COL10A1: variants seen among roughly 807,000 people sequenced by gnomAD.
COL10A1 encodes collagen type X alpha 1 chain, also known as collagen alpha-1(X) chain.
Under a neutral mutation model 18.2 loss-of-function variants are expected in COL10A1, and 10 were observed. The ratio of observed to expected loss-of-function variants is 0.55; its 90% CI spans 0.34 to 0.93. The LOEUF (loss-of-function observed/expected upper bound fraction) is 0.93, where lower values mean the gene tolerates loss of function less well. Among genes scored for constraint, COL10A1 ranks in the 40% least tolerant of loss-of-function variants. The pLI, the probability that COL10A1 is intolerant of heterozygous loss-of-function variation, is 0.02. For synonymous variants in COL10A1, 330 were observed against 316.6 expected, an observed-to-expected ratio of 1.04 and a Z score of -0.45; for missense variants, 897 against 853.5, an observed-to-expected ratio of 1.05 and a Z score of -0.64.
At chr6:116,182,222 A>AGAGAGTGTGTGTGTGTGT in the COL10A1 span, among the ~76,000 whole-genome samples, 1 of 124,606 alleles carries the variant, frequency 8.0e-6, no homozygotes, top group Non-Finnish European at 1.7e-5. Flanking sequence ...TTCCATGGAG[A>AGAGAGTGTGTGTGTGTGT]GTGTGTGTGT....
chr6:116,165,976 C>T, the COL10A1 span, among the ~76,000 whole-genome samples: 1 of 152,174 alleles, frequency 6.6e-6, no homozygotes, highest in African/African-American at 2.4e-5. Flanking sequence ...GATACCTGCA[C>T]AAACTAGCCA....
the COL10A1 span, among the ~76,000 whole-genome samples, chr6:116,186,751 A>G: frequency 2.0e-5 from 3 of 151,934 alleles, no homozygotes; most frequent in South Asian, 2.1e-4. Context: ...TATTTATGCC[A>G]TGTATTTCAC....
the COL10A1 span, among the ~76,000 whole-genome samples, chr6:116,175,872 CT>C: frequency 6.6e-6 from 1 of 152,118 alleles, no homozygotes; most frequent in Non-Finnish European, 1.5e-5. Flanking sequence ...AAGTCCCTGT[CT>C]GATAATTCCA....
intron 1 of COL10A1, among the ~76,000 whole-genome samples, chr6:116,140,360 A>G (rs1383973897): frequency 6.6e-6 from 1 of 152,056 alleles, no homozygotes; most frequent in Non-Finnish European, 1.5e-5. Context: ...TGGGCACATC[A>G]CACCTCTCTT....
At chr6:116,145,391 C>A in intron 1 of COL10A1, 1 of 328,920 alleles carries the variant, frequency 3.0e-6, no homozygotes, top group Non-Finnish European at 6.8e-6. Context: ...AGAAGAAATG[C>A]TGATTTTCAA....
the COL10A1 span, among the ~76,000 whole-genome samples, chr6:116,171,182 ACT>A: frequency 6.6e-6 from 1 of 152,090 alleles, no homozygotes; most frequent in East Asian, 1.9e-4. Context: ...TAAATGACCC[ACT>A]TATATTATTG....
the COL10A1 span, among the ~76,000 whole-genome samples, chr6:116,179,726 T>C: frequency 0.031 from 4,786 of 152,218 alleles, 263 homozygotes; most frequent in African/African-American, 0.11. Context: ...TCAATAATTA[T>C]AAGATTCTGG....
At chr6:116,182,043 C>G in the COL10A1 span, among the ~76,000 whole-genome samples, 1 of 151,958 alleles carries the variant, frequency 6.6e-6, no homozygotes, top group Non-Finnish European at 1.5e-5. Flanking sequence ...CCTCCGCGTC[C>G]CCAAAGTCCA....
chr6:116,179,311 G>A, the COL10A1 span, among the ~76,000 whole-genome samples: 2 of 152,016 alleles, frequency 1.3e-5, no homozygotes, highest in Non-Finnish European at 2.9e-5. Context: ...ATGGCAGGAG[G>A]ATTTACATTC....
intron 2 of COL10A1, among the ~76,000 whole-genome samples, chr6:116,122,803 T>C (rs1779172875): frequency 1.3e-5 from 2 of 152,186 alleles, no homozygotes; most frequent in South Asian, 4.1e-4. Flanking sequence ...AGGAAAATAA[T>C]TGTTTCAGAT....
chr6:116,124,981 G>A (rs1779249898), intron 2 of COL10A1, among the ~76,000 whole-genome samples: 1 of 152,014 alleles, frequency 6.6e-6, no homozygotes, highest in Non-Finnish European at 1.5e-5. Context: ...TATACAATTG[G>A]CAGTTATTTT....
chr6:116,166,137 C>G, the COL10A1 span, among the ~76,000 whole-genome samples: 1 of 152,038 alleles, frequency 6.6e-6, no homozygotes, highest in Non-Finnish European at 1.5e-5. Flanking sequence ...ACCCTTCAGG[C>G]GGGATTCAGA....
At chr6:116,168,223 G>A in the COL10A1 span, among the ~76,000 whole-genome samples, 1 of 150,868 alleles carries the variant, frequency 6.6e-6, no homozygotes, top group Non-Finnish European at 1.5e-5. Context: ...CTCTTTCTGG[G>A]ATTTCAGTTA....
At position 116,139,256 on chromosome 6, in the gene COL10A1, A is replaced by G. The variant is rs191853148; in HGVS notation, c.-15-13749T>C. On this transcript the variant is annotated intron_variant, in intron 1 of 1. Coordinates refer to the COL10A1 transcript ENST00000418500. ...TTGGGGGAAAGAAGTCTCTCAGTCT[A>G]CTAGTAACAATTTGTGGGTAATTAA... Among the ~76,000 whole-genome samples, 397 of 152,280 alleles carry G rather than the reference A, an allele frequency of 2.6e-3. 10 individuals are homozygous for G. The South Asian group carries it at 0.043, about 17-fold the overall frequency.
chr6:116,124,702 A>G (rs1304435239), intron 2 of COL10A1, among the ~76,000 whole-genome samples: 1 of 152,218 alleles, frequency 6.6e-6, no homozygotes, highest in Non-Finnish European at 1.5e-5. Context: ...TGGGAGGACA[A>G]GTAACTTACC....
intron 2 of COL10A1, among the ~76,000 whole-genome samples, chr6:116,123,728 C>G (rs1366441626): frequency 1.3e-5 from 2 of 152,146 alleles, no homozygotes; most frequent in Non-Finnish European, 2.9e-5. Flanking sequence ...GAGTGTCTAT[C>G]TAAAAAGAGA....
chr6:116,150,167 T>A (rs1780002350), intron 1 of COL10A1, among the ~76,000 whole-genome samples: 1 of 152,120 alleles, frequency 6.6e-6, no homozygotes, highest in Admixed American at 6.5e-5. Flanking sequence ...TACAGAAGAG[T>A]GACCAATTAG....
intron 2 of COL10A1, among the ~76,000 whole-genome samples, chr6:116,124,469 A>C (rs1490256350): frequency 2.0e-5 from 3 of 152,198 alleles, no homozygotes; most frequent in Non-Finnish European, 4.4e-5. Flanking sequence ...TTCAAAGAGT[A>C]ACCAAGAAAA....
the COL10A1 span, among the ~76,000 whole-genome samples, chr6:116,178,842 A>G: frequency 1.3e-5 from 2 of 152,168 alleles, no homozygotes; most frequent in Admixed American, 6.5e-5. Flanking sequence ...TAAATTTGCA[A>G]TTTCAGTGTT....
Sources: allele counts gnomAD v4.1 joint callset (sites outside exome capture counted in the v4.1 genomes callset), GRCh38; gene constraint gnomAD v4.1.1; transcripts MANE v1.5; gene names NCBI Gene and HGNC (gene_info 2026-07-23, HGNC 2026-07-21).